The following TM9SF3 variants were observed in gnomAD, a reference collection of about 807,000 sequenced individuals.
The protein encoded by TM9SF3 is SM-11044-binding protein.
Under a neutral mutation model 78.6 loss-of-function variants are expected in TM9SF3, and 14 were observed. That is an observed-to-expected ratio of 0.18 (90% CI 0.12 to 0.28). The LOEUF (loss-of-function observed/expected upper bound fraction) is 0.28. TM9SF3 is among the 10% of genes least tolerant of loss of function. TM9SF3 has a pLI of 1.00. For missense variants in TM9SF3, 496 were observed against 721.9 expected (o/e 0.69, Z 3.59); for synonymous variants, 231 against 241.7 (o/e 0.96, Z 0.41).
intron 2 of TM9SF3, among the ~76,000 whole-genome samples, chr10:96,567,187 C>A (rs964386550): frequency 6.8e-6 from 1 of 147,796 alleles, no homozygotes; most frequent in Non-Finnish European, 1.5e-5. Flanking sequence ...CAGGTTCAAG[C>A]GATTCTCCTG....
Position 96,561,973 on chromosome 10 carries a change from C to T in TM9SF3, c.582+5G>A. On this transcript the variant is annotated splice_donor_5th_base_variant and intron_variant, in intron 4 of 14. Transcript: ENST00000371142. ...CTTCCTACATTAAACTATTTGAATA[C>T]TTACTGAATATGACATCTGGATTTT... The T allele has an allele frequency of 6.2e-7, 1 of 1,606,354 alleles. No homozygotes were observed. Among genetic ancestry groups the T allele is most frequent in the Non-Finnish European group, 8.5e-7 (1 of 1,177,360 alleles).
In TM9SF3 at chr10:96,521,918, T is replaced by A. The variant is rs575843708; in HGVS notation, c.*345A>T. The A allele has an allele frequency of 8.3e-4, 154 of 186,536 alleles. No homozygotes were observed. The highest frequency in any genetic ancestry group is 1.3e-3 in the Admixed American group (21 of 15,922). 11.6% of individuals were successfully genotyped at this position (186,536 alleles called of 1,614,324 possible). A position where few individuals can be genotyped will look rare whatever the true frequency, so the allele number is the denominator to read the frequency against. Reference sequence around the variant, plus strand: ...AGCATCCAAGTTTCCCTCTATTTATTTTATTGGAACAAATGCTTTAAATAA... The same window carrying A: ...AGCATCCAAGTTTCCCTCTATTTATATTATTGGAACAAATGCTTTAAATAA... On this transcript the variant is annotated 3_prime_UTR_variant, in exon 15 of 15. Coordinates refer to ENST00000371142, the MANE Select transcript of TM9SF3 (RefSeq NM_020123.4).
At chr10:96,563,593 G>T (rs1472839992) in intron 3 of TM9SF3, among the ~76,000 whole-genome samples, 1 of 151,904 alleles carries the variant, frequency 6.6e-6, no homozygotes, top group Non-Finnish European at 1.5e-5. Flanking sequence ...GGCCATGGTG[G>T]TCTCGAACTC....
chr10:96,527,645 T>TAGG, intron 12 of TM9SF3, 149 bp from the exon 13 acceptor site: 1 of 611,612 alleles, frequency 1.6e-6, no homozygotes, highest in Non-Finnish European at 2.7e-6. Flanking sequence ...TATTCAAATT[T>TAGG]ATCAACAAGG....
Position 96,530,529 on chromosome 10 carries a change from T to C in TM9SF3, c.1394+11A>G. On this transcript the variant is annotated intron_variant, in intron 11 of 14. Transcript: ENST00000371142. The stretch of plus-strand genomic sequence containing the variant: ...AATCCCTCAAAACATAAATACATTA[T>C]CAAAACTTACATTTCAATAAAGATT... 1 of 1,604,344 alleles carries C rather than the reference T, an allele frequency of 6.2e-7. No individual in the cohort carries two copies. The highest frequency in any genetic ancestry group is 1.1e-5 in the South Asian group (1 of 89,686).
chr10:96,560,688 G>A (rs1488154734), intron 4 of TM9SF3: 5 of 589,182 alleles, frequency 8.5e-6, no homozygotes, highest in East Asian at 4.0e-5. Flanking sequence ...TGATGATGAC[G>A]ATTTTGATGA....
chr10:96,520,085 T>TAATGGGA lies in TM9SF3; in HGVS notation c.*2177_*2178insTCCCATT, dbSNP rs1447947335. 6.6e-6 allele frequency: 1 copy of TAATGGGA among 151,914 alleles called. No homozygotes were observed. The highest frequency in any genetic ancestry group is 1.5e-5 in the Non-Finnish European group (1 of 67,810). The allele number at this position is 151,914 out of a possible 1,614,324, so 9.4% of individuals were successfully genotyped here. ...TCATTTTATTAAGACAAAACCTTAC[T>TAATGGGA]GTCCAATTTATACTCCCATCAGACA... On this transcript the variant is annotated 3_prime_UTR_variant, in exon 15 of 15. Coordinates refer to ENST00000371142, the MANE Select transcript of TM9SF3 (RefSeq NM_020123.4).
chr10:96,558,782 C>A (rs1001067543), intron 5 of TM9SF3, among the ~76,000 whole-genome samples: 1 of 152,040 alleles, frequency 6.6e-6, no homozygotes, highest in East Asian at 1.9e-4. Context: ...TCTGAGACAA[C>A]AAAAACTTAC....
At chr10:96,577,302 A>G (rs1013619974) in intron 1 of TM9SF3, among the ~76,000 whole-genome samples, 3 of 152,070 alleles carry the variant, frequency 2.0e-5, no homozygotes, top group Non-Finnish European at 2.9e-5. Context: ...TCCTTGCGAG[A>G]CTTTCACACA....
chr10:96,549,914 T>C (rs1022681015), intron 7 of TM9SF3, among the ~76,000 whole-genome samples: 3 of 151,898 alleles, frequency 2.0e-5, no homozygotes, highest in African/African-American at 7.3e-5. Context: ...TATCTTCTAG[T>C]GGCTCTTAAG....
chr10:96,539,913 T>C (rs1221676704), intron 9 of TM9SF3, among the ~76,000 whole-genome samples: 4 of 152,080 alleles, frequency 2.6e-5, no homozygotes, highest in African/African-American at 9.7e-5. Context: ...TTCTGTAAAA[T>C]AGGAATAACC....
At chr10:96,567,187 C>T (rs964386550) in intron 2 of TM9SF3, among the ~76,000 whole-genome samples, 8 of 147,796 alleles carry the variant, frequency 5.4e-5, no homozygotes, top group African/African-American at 1.8e-4. Context: ...CAGGTTCAAG[C>T]GATTCTCCTG....
chr10:96,538,154 T>G (rs901360455), intron 9 of TM9SF3, among the ~76,000 whole-genome samples: 2 of 152,112 alleles, frequency 1.3e-5, no homozygotes, highest in African/African-American at 4.8e-5. Context: ...GGTATTAGCA[T>G]TAAAAACAAG....
At position 96,551,348 on chromosome 10, in the gene TM9SF3, T is replaced by C. The variant is rs1848167418; in HGVS notation, c.856A>G (p.Ser286Gly). The change falls in exon 7 of 15, where the codon AGT becomes GGT. Residue 286 changes from serine to glycine, a missense_variant. By Grantham distance (56) the Ser-to-Gly change is moderately conservative (BLOSUM62 0). Coordinates refer to ENST00000371142, the MANE Select transcript of TM9SF3 (RefSeq NM_020123.4). ...QVHGDVFRPS[S>G]HPLIFSSLIG... The stretch of plus-strand genomic sequence containing the variant: ...AGAGAGGAAAATATCAGTGGGTGAC[T>C]TGATGGTCTAAATACATCTCCATGC... The C allele has an allele frequency of 1.2e-6, 2 of 1,612,938 alleles. No individual in the cohort carries two copies. The highest frequency in any genetic ancestry group is 1.3e-5 in the African/African-American group (1 of 75,014).
chr10:96,535,604 T>C (rs1188519636), intron 9 of TM9SF3, among the ~76,000 whole-genome samples: 1 of 152,214 alleles, frequency 6.6e-6, no homozygotes, highest in Non-Finnish European at 1.5e-5. Context: ...GGGTCTAATA[T>C]ATTGGTGAAA....
intron 5 of TM9SF3, among the ~76,000 whole-genome samples, chr10:96,557,872 T>C (rs767996952): frequency 3.3e-5 from 5 of 152,230 alleles, no homozygotes; most frequent in Non-Finnish European, 7.3e-5. Context: ...ACTTTTTCTT[T>C]TTTGACACAC....
At position 96,524,440 on chromosome 10, in the gene TM9SF3, G is replaced by A. The variant is rs571544927; in HGVS notation, c.1703-2110C>T. On this transcript the variant is annotated intron_variant, in intron 14 of 14. Transcript: ENST00000371142. Reference sequence around the variant, plus strand: ...CAAAAATTTTAATGGTATAATACTAGTCCAATAACCAAATCCAATTTTCCA... The same window carrying A: ...CAAAAATTTTAATGGTATAATACTAATCCAATAACCAAATCCAATTTTCCA... Among the ~76,000 whole-genome samples the A allele has an allele frequency of 5.3e-5, 8 of 151,832 alleles. No individual in the cohort carries two copies. In the East Asian group the frequency reaches 1.2e-3, roughly 22 times the overall value.
intron 5 of TM9SF3, among the ~76,000 whole-genome samples, chr10:96,558,037 A>T (rs1377974771): frequency 1.3e-5 from 2 of 152,066 alleles, no homozygotes; most frequent in Admixed American, 1.3e-4. Context: ...TGCTCAATTA[A>T]TATGTGTTGA....
At chr10:96,537,843 C>T (rs901147456) in intron 9 of TM9SF3, among the ~76,000 whole-genome samples, 13 of 152,100 alleles carry the variant, frequency 8.5e-5, no homozygotes, top group African/African-American at 3.1e-4. Flanking sequence ...CAGAAGATAA[C>T]AAAACCTGAA....
Sources: allele counts gnomAD v4.1 joint callset (sites outside exome capture counted in the v4.1 genomes callset), GRCh38; gene constraint gnomAD v4.1.1; transcripts MANE v1.5; gene names NCBI Gene and HGNC (gene_info 2026-07-23, HGNC 2026-07-21).